The following ARHGAP35 variants were observed in gnomAD, a reference collection of about 807,000 sequenced individuals.
ARHGAP35 encodes the protein Rho GTPase activating protein 35, also known as rho GTPase-activating protein 35.
ARHGAP35 carries 15 observed loss-of-function variants against 111.1 expected under a neutral mutation model. That is an observed-to-expected ratio of 0.13 (90% confidence interval 0.09 to 0.21). ARHGAP35 has a LOEUF of 0.21. ARHGAP35 is among the 10% of genes least tolerant of loss of function. The probability of loss-of-function intolerance (pLI) is 1.00; values close to 1 mark genes in which losing one functional copy is unlikely to be tolerated. For missense variants in ARHGAP35, 1,262 were observed against 1,873.0 expected, an observed-to-expected ratio of 0.67 and a Z score of 6.02; for synonymous variants, 643 against 710.3, an observed-to-expected ratio of 0.91 and a Z score of 1.51.
rs117875818 is a variant in ARHGAP35 at position 46,863,768 on chromosome 19, G to A, written c.-189+2559G>A. ...GATCCCACCAGGGGTTATGGCCACA[G>A]TTGGACCTAGGGAAGCTACAGTATT... On this transcript the variant is annotated intron_variant, in intron 1 of 6. Coordinates refer to ENST00000672722, the MANE Select transcript of ARHGAP35 (RefSeq NM_004491.5). Among the ~76,000 whole-genome samples, 298 of 152,270 alleles carry A rather than the reference G, an allele frequency of 2.0e-3. 8 individuals are homozygous for A. The East Asian group carries it at 0.054, about 27-fold the overall frequency.
At position 46,986,067 on chromosome 19, in the gene ARHGAP35, C is replaced by CTT. The variant is rs778017996; in HGVS notation, c.3827-1921_3827-1920dup. On this transcript the variant is annotated intron_variant, in intron 3 of 6. Coordinates refer to ENST00000672722, the MANE Select transcript of ARHGAP35 (RefSeq NM_004491.5). The surrounding 1 kb of genome is among the most constrained non-coding windows in gnomAD (Gnocchi z 4.3). ...TTGTCCAGGGGCAGCACCCACAGTG[C>CTT]TTCCTCTGTGCACCTTCAGCAAGAC... 6.6e-6 allele frequency among the ~76,000 whole-genome samples: 1 copy of CTT among 152,224 alleles called. No individual in the cohort carries two copies. Among genetic ancestry groups the CTT allele is most frequent in the Non-Finnish European group, 1.5e-5 (1 of 68,046 alleles).
At chr19:46,875,860 T>G (rs1384694775) in intron 1 of ARHGAP35, among the ~76,000 whole-genome samples, 1 of 152,122 alleles carries the variant, frequency 6.6e-6, no homozygotes, top group African/African-American at 2.4e-5. Context: ...AACTTGTAAT[T>G]TGCCCCCAGG....
intron 3 of ARHGAP35, among the ~76,000 whole-genome samples, chr19:46,956,983 G>A (rs1287362993): frequency 1.8e-5 from 2 of 109,840 alleles, no homozygotes; most frequent in Admixed American, 1.1e-4. Flanking sequence ...TTTTTGAGAC[G>A]GAGTCTCGCT....
chr19:46,963,387 C>T (rs2056495953), intron 3 of ARHGAP35, among the ~76,000 whole-genome samples: 1 of 152,216 alleles, frequency 6.6e-6, no homozygotes, highest in Non-Finnish European at 1.5e-5. Context: ...AGAAAATTCC[C>T]ATGTGGGACC....
chr19:47,003,640 C>T lies in ARHGAP35; in HGVS notation c.*2952C>T, dbSNP rs925117028. The T allele has an allele frequency of 1.3e-5, 2 of 152,212 alleles. No homozygotes were observed. Among genetic ancestry groups the T allele is most frequent in the African/African-American group, 2.4e-5 (1 of 41,432 alleles). 9.4% of individuals were successfully genotyped at this position (152,212 alleles called of 1,614,324 possible). On this transcript the variant is annotated 3_prime_UTR_variant, in exon 7 of 7. Coordinates refer to ENST00000672722, the MANE Select transcript of ARHGAP35 (RefSeq NM_004491.5). Reference sequence around the variant, plus strand: ...TTGGGGAGGAACAGGGAGAGAGCTTCGGGGCGTCTGTCTCCGTGCTCTCCT... The same window carrying T: ...TTGGGGAGGAACAGGGAGAGAGCTTTGGGGCGTCTGTCTCCGTGCTCTCCT...
rs201226801 is a variant in ARHGAP35, at chr19:46,919,223, A to G, written c.548A>G (p.Asn183Ser). 14 of 1,613,756 alleles carry G rather than the reference A, an allele frequency of 8.7e-6. No homozygotes were observed. Among genetic ancestry groups the G allele is most frequent in the African/African-American group, 5.3e-5 (4 of 74,880 alleles). The change falls in exon 2 of 7, where the codon AAT becomes AGT. Residue 183 changes from asparagine (N) to serine (S), a missense_variant. Coordinates refer to ENST00000672722, the MANE Select transcript of ARHGAP35 (RefSeq NM_004491.5). This position sits in a 1 kb window ranked among gnomAD's most constrained non-coding sequence, Gnocchi z 6.2. ...GATGACCAGCTCAAGTTTGTCTCCA[A>G]TCTCTACAATCAGCTTGCAAAAACA... ...NFDDQLKFVS[N>S]LYNQLAKTKK...
At chr19:46,998,249 C>A (rs1415736628) in intron 5 of ARHGAP35, among the ~76,000 whole-genome samples, 1 of 152,202 alleles carries the variant, frequency 6.6e-6, no homozygotes, top group Non-Finnish European at 1.5e-5. Context: ...AGCCCCCGGG[C>A]CCATTAGCAA....
At chr19:46,924,223 CT>C (rs2056225451) in intron 2 of ARHGAP35, among the ~76,000 whole-genome samples, 1 of 152,122 alleles carries the variant, frequency 6.6e-6, no homozygotes, top group South Asian at 2.1e-4. Flanking sequence ...AGAATCCAGG[CT>C]GTCTTGAGAG....
chr19:46,889,669 A>G (rs1350785042), intron 1 of ARHGAP35, among the ~76,000 whole-genome samples: 1 of 145,598 alleles, frequency 6.9e-6, no homozygotes. Context: ...AGGAAACAAG[A>G]GTAGAGGCCA....
chr19:46,868,188 C>A (rs1456887969), intron 1 of ARHGAP35, among the ~76,000 whole-genome samples: 1 of 152,190 alleles, frequency 6.6e-6, no homozygotes, highest in Non-Finnish European at 1.5e-5. Flanking sequence ...ATACTTTAAT[C>A]TGCATACTTG....
intron 1 of ARHGAP35, among the ~76,000 whole-genome samples, chr19:46,889,750 CAAAAAAAAA>C (rs5828291): frequency 1.2e-5 from 1 of 85,246 alleles, no homozygotes; most frequent in East Asian, 4.1e-4. Context: ...GACTCCGTCT[CAAAAAAAAA>C]AAAAAAAAAA....
intron 1 of ARHGAP35, among the ~76,000 whole-genome samples, chr19:46,890,576 C>G (rs908907432): frequency 5.3e-5 from 8 of 152,212 alleles, no homozygotes; most frequent in Non-Finnish European, 1.2e-4. Flanking sequence ...CAGGGTAGAA[C>G]AGGAACACAG....
intron 3 of ARHGAP35, among the ~76,000 whole-genome samples, chr19:46,961,367 C>T (rs187079356): frequency 1.0e-3 from 156 of 152,188 alleles, no homozygotes; most frequent in African/African-American, 3.6e-3. Context: ...ATGGAATAGG[C>T]AGATGGAAGG....
At chr19:46,959,314 C>G (rs1224710750) in intron 3 of ARHGAP35, among the ~76,000 whole-genome samples, 1 of 151,896 alleles carries the variant, frequency 6.6e-6, no homozygotes, top group East Asian at 1.9e-4. Context: ...TTCGGCCTCC[C>G]AAAGTGCTGG....
intron 3 of ARHGAP35, among the ~76,000 whole-genome samples, chr19:46,941,841 T>C (rs2056348827): frequency 7.4e-6 from 1 of 134,730 alleles, no homozygotes; most frequent in Non-Finnish European, 1.5e-5. Context: ...ATTATAAGCA[T>C]GTGCCACTGG....
chr19:46,926,668 T>C lies in ARHGAP35; in HGVS notation c.3681+4312T>C, dbSNP rs2056240200. 6.6e-6 allele frequency among the ~76,000 whole-genome samples: 1 copy of C among 152,190 alleles called. No individual in the cohort carries two copies. The highest frequency in any genetic ancestry group is 2.4e-5 in the African/African-American group (1 of 41,456). On this transcript the variant is annotated intron_variant, in intron 2 of 6. Transcript: ENST00000672722. The surrounding 1 kb of genome is among the most constrained non-coding windows in gnomAD (Gnocchi z 4.1). ...CAAAACAGAATGATAAAGAAAATCT[T>C]TCACTCACTGCAGCAACCACATGAC...
intron 1 of ARHGAP35, among the ~76,000 whole-genome samples, chr19:46,884,115 T>A (rs1206031038): frequency 6.6e-6 from 1 of 152,048 alleles, no homozygotes; most frequent in Non-Finnish European, 1.5e-5. Context: ...GGAGAGAATT[T>A]AAAAAAGAAA....
At chr19:46,868,198 G>A (rs937034550) in intron 1 of ARHGAP35, among the ~76,000 whole-genome samples, 24 of 152,172 alleles carry the variant, frequency 1.6e-4, no homozygotes, top group Non-Finnish European at 1.6e-4. Context: ...CTGCATACTT[G>A]CTGCATTGTA....
rs547638325 is a variant in ARHGAP35, at chr19:46,962,975, C to A, written c.3827-25014C>A. 5.9e-5 allele frequency among the ~76,000 whole-genome samples: 9 copies of A among 152,264 alleles called. No homozygotes were observed. In the South Asian group the frequency reaches 1.9e-3, roughly 32 times the overall value. ...CATCCTTCCCGTTTTGCTGCTGCTT[C>A]CTACTCCTTTTCAGGCTAGCCTATT... On this transcript the variant is annotated intron_variant, in intron 3 of 6. Transcript: ENST00000672722.
Sources: gnomAD v4.1 joint callset for allele counts (sites outside exome capture counted in the v4.1 genomes callset) on GRCh38, gnomAD v4.1.1 for gene constraint, Gnocchi (gnomAD v3.1) non-coding constraint, MANE v1.5 for transcripts, NCBI Gene and HGNC (gene_info 2026-07-23, HGNC 2026-07-21) for gene names.